ZNF385D: variants seen among roughly 807,000 people sequenced by gnomAD.
ZNF385D encodes zinc finger protein 659.
Under a neutral mutation model 35.8 loss-of-function variants are expected in ZNF385D, and 15 were observed. The observed-to-expected ratio is 0.42, with a 90% CI of 0.28 to 0.64. The LOEUF is 0.64. Ranked by LOEUF, ZNF385D falls within the 30% of genes least tolerant of loss-of-function variation. The pLI is 0.23. For synonymous variants in ZNF385D, 212 were observed against 186.8 expected (o/e 1.13, Z -1.10); for missense variants, 474 against 494.6 (o/e 0.96, Z 0.39).
rs554461432 is a variant in ZNF385D at position 22,213,487 on chromosome 3, G to A, written c.107-44452C>T. ...TACTTCCAGTGGTATTCTCAGATTC[G>A]TGTCAACTTCTAATTAAAGAAATAT... is the stretch of plus-strand genomic sequence containing the variant. On this transcript the variant is annotated intron_variant, in intron 2 of 5. Transcript: ENST00000494108. 4.5e-3 allele frequency among the ~76,000 whole-genome samples: 688 copies of A among 152,086 alleles called. 9 individuals carry two copies. Among genetic ancestry groups the A allele is most frequent in the African/African-American group, 0.015 (632 of 41,500 alleles).
intron 3 of ZNF385D, among the ~76,000 whole-genome samples, chr3:21,905,993 C>T (rs1276207758): frequency 2.0e-5 from 3 of 152,012 alleles, no homozygotes; most frequent in South Asian, 2.1e-4. Context: ...AAATAAATAC[C>T]TAACAAGTGG....
chr3:22,113,697 A>C (rs768371183), intron 3 of ZNF385D, among the ~76,000 whole-genome samples: 3 of 152,060 alleles, frequency 2.0e-5, no homozygotes, highest in African/African-American at 4.8e-5. Flanking sequence ...GTATTGACCA[A>C]ATACAAAAAA....
At chr3:21,940,107 T>G (rs1341768360) in intron 3 of ZNF385D, among the ~76,000 whole-genome samples, 1 of 152,192 alleles carries the variant, frequency 6.6e-6, no homozygotes, top group Non-Finnish European at 1.5e-5. Flanking sequence ...TTAGAGGTCT[T>G]TGGAAACTTT....
intron 3 of ZNF385D, among the ~76,000 whole-genome samples, chr3:21,864,927 T>C (rs939194299): frequency 6.8e-6 from 1 of 146,712 alleles, no homozygotes; most frequent in African/African-American, 2.5e-5. Context: ...ACTTACCAAA[T>C]AGTCAAACAT....
chr3:22,042,262 TC>T (rs1698712686), intron 3 of ZNF385D, among the ~76,000 whole-genome samples: 1 of 152,148 alleles, frequency 6.6e-6, no homozygotes, highest in Admixed American at 6.6e-5. Context: ...AACAGTCTCT[TC>T]CTTCTAGAGT....
In ZNF385D at chr3:21,932,374, T is replaced by C. The variant is rs144711938; in HGVS notation, c.325+236443A>G. Among the ~76,000 whole-genome samples, 386 of 151,746 alleles carry C rather than the reference T, an allele frequency of 2.5e-3. 2 individuals are homozygous for C. The highest frequency in any genetic ancestry group is 8.8e-3 in the African/African-American group (364 of 41,184). ...TTAGTCAAAGCAAGTTTTCAGTATA[T>C]AACGCAGCACTCTGATTGTGACTTA... On this transcript the variant is annotated intron_variant, in intron 3 of 5. Transcript: ENST00000494108.
At chr3:21,659,114 C>G (rs1386054810) in intron 2 of ZNF385D, among the ~76,000 whole-genome samples, 1 of 151,984 alleles carries the variant, frequency 6.6e-6, no homozygotes, top group Non-Finnish European at 1.5e-5. Context: ...AGTGTTATCA[C>G]TGTCATCGTA....
intron 2 of ZNF385D, among the ~76,000 whole-genome samples, chr3:22,209,410 C>T (rs1697370924): frequency 6.6e-6 from 1 of 151,824 alleles, no homozygotes; most frequent in African/African-American, 2.4e-5. Context: ...TGAAGGCATT[C>T]ACATTTAGTA....
At chr3:22,007,132 A>C (rs1263302046) in intron 3 of ZNF385D, among the ~76,000 whole-genome samples, 2 of 152,168 alleles carry the variant, frequency 1.3e-5, no homozygotes, top group Non-Finnish European at 2.9e-5. Context: ...TTCTCAGAGA[A>C]GTTTCAATCT....
chr3:22,201,611 A>C lies in ZNF385D; in HGVS notation c.107-32576T>G, dbSNP rs1409830920. On this transcript the variant is annotated intron_variant, in intron 2 of 5. Coordinates refer to the ZNF385D transcript ENST00000494108. ...ACATTTTTAAAAGTTTATCTCAACC[A>C]AAACATTGCCTTGAGATGTTTAAGT... is the stretch of plus-strand genomic sequence containing the variant. Among the ~76,000 whole-genome samples, 4 of 152,010 alleles carry C rather than the reference A, an allele frequency of 2.6e-5. No individual in the cohort carries two copies. In the East Asian group the frequency reaches 5.8e-4, roughly 22 times the overall value.
At position 22,200,279 on chromosome 3, in the gene ZNF385D, T is replaced by C. The variant is rs142634063; in HGVS notation, c.107-31244A>G. On this transcript the variant is annotated intron_variant, in intron 2 of 5. Transcript: ENST00000494108. ...GGTTCTTTTCTATTTTCCCTAAGCA[T>C]TGGCCGGTTTGAGAAGTAAAGGGAC... 3.0e-3 allele frequency among the ~76,000 whole-genome samples: 464 copies of C among 152,150 alleles called. 4 individuals carry two copies. Among genetic ancestry groups the C allele is most frequent in the Middle Eastern group, 6.8e-3 (2 of 294 alleles).
chr3:21,864,565 T>C (rs75080161), intron 3 of ZNF385D, among the ~76,000 whole-genome samples: 2,598 of 152,176 alleles, frequency 0.017, 30 homozygotes, highest in Non-Finnish European at 0.025. Flanking sequence ...TCACAATCTT[T>C]GGCACAGTAT....
chr3:22,073,408 C>A (rs1356361532), intron 3 of ZNF385D, among the ~76,000 whole-genome samples: 1 of 150,842 alleles, frequency 6.6e-6, no homozygotes, highest in African/African-American at 2.4e-5. Flanking sequence ...GTCATCATTT[C>A]TCCATATTTA....
intron 3 of ZNF385D, among the ~76,000 whole-genome samples, chr3:21,859,935 G>C (rs1337418110): frequency 1.3e-5 from 2 of 151,928 alleles, no homozygotes; most frequent in Non-Finnish European, 2.9e-5. Context: ...GTCACGCTCT[G>C]CATCCTGCTG....
At chr3:21,762,360 C>T (rs1575605914) in intron 3 of ZNF385D, among the ~76,000 whole-genome samples, 1 of 152,098 alleles carries the variant, frequency 6.6e-6, no homozygotes, top group Admixed American at 6.5e-5. Context: ...CATGCTTTCT[C>T]TTTACCCGGT....
chr3:22,331,906 T>C lies in ZNF385D; in HGVS notation c.106+40544A>G, dbSNP rs920989530. 1.7e-4 allele frequency among the ~76,000 whole-genome samples: 26 copies of C among 152,216 alleles called. 1 individual carries two copies. The highest frequency in any genetic ancestry group is 2.2e-4 in the Non-Finnish European group (15 of 68,020). The stretch of plus-strand genomic sequence containing the variant: ...AACTTTCAAAAAATATGTATGTGGA[T>C]TCCTGGCACAGGCACTTGATTTAAA... On this transcript the variant is annotated intron_variant, in intron 2 of 5. Transcript: ENST00000494108.
chr3:21,532,434 C>T (rs1320678768), intron 3 of ZNF385D, among the ~76,000 whole-genome samples: 1 of 152,112 alleles, frequency 6.6e-6, no homozygotes, highest in Non-Finnish European at 1.5e-5. Flanking sequence ...AAATCGCAAA[C>T]ATTTGGTTTA....
At chr3:22,159,741 A>C (rs1397591509) in intron 3 of ZNF385D, among the ~76,000 whole-genome samples, 1 of 152,144 alleles carries the variant, frequency 6.6e-6, no homozygotes, top group African/African-American at 2.4e-5. Context: ...CTTCAATGAT[A>C]AAAAAGGAAT....
At chr3:22,060,759 TAAG>T (rs1272697099) in intron 3 of ZNF385D, among the ~76,000 whole-genome samples, 1 of 151,966 alleles carries the variant, frequency 6.6e-6, no homozygotes, top group Non-Finnish European at 1.5e-5. Flanking sequence ...AACTAGAAAA[TAAG>T]AAAGTCTAAT....
Sources: gnomAD v4.1 joint callset for allele counts (sites outside exome capture counted in the v4.1 genomes callset) on GRCh38, gnomAD v4.1.1 for gene constraint, MANE v1.5 for transcripts, NCBI Gene and HGNC (gene_info 2026-07-23, HGNC 2026-07-21) for gene names.